The following CCDC62 variants were observed in gnomAD, a reference collection of about 807,000 sequenced individuals.
CCDC62 encodes the protein coiled-coil domain-containing protein 62.
A neutral mutation model predicts 80.8 loss-of-function variants in CCDC62; 72 were observed. The ratio of observed to expected loss-of-function variants is 0.89; its 90% confidence interval spans 0.74 to 1.08. The LOEUF (loss-of-function observed/expected upper bound fraction) is 1.08. Ranked by LOEUF, CCDC62 falls within the 50% of genes least tolerant of loss-of-function variation. The pLI, the probability that CCDC62 is intolerant of heterozygous loss-of-function variation, is 0.00. For synonymous variants in CCDC62, 286 were observed against 296.5 expected, an observed-to-expected ratio of 0.96 and a Z score of 0.36; for missense variants, 704 against 809.4, an observed-to-expected ratio of 0.87 and a Z score of 1.58.
intron 10 of CCDC62, among the ~76,000 whole-genome samples, chr12:122,811,582 G>A (rs1038928545): frequency 6.6e-6 from 1 of 150,954 alleles, no homozygotes; most frequent in Non-Finnish European, 1.5e-5. Flanking sequence ...CACTTTTGGA[G>A]GCTAAGGAAG....
rs775349370 is a variant in CCDC62, at chr12:122,801,511, A to G, written c.1365A>G (p.Leu455=). 3 of 1,614,194 alleles carry G rather than the reference A, an allele frequency of 1.9e-6. No homozygotes were observed. The highest frequency in any genetic ancestry group is 2.5e-6 in the Non-Finnish European group (3 of 1,180,040). The part of the protein sequence containing the change: ...EGKQPSETPT[L]SDEKQWHDVS... ...AACAACCCTCAGAAACACCCACTTT[A>G]TCTGATGAGAAGCAGTGGCATGATG... The change falls in exon 9 of 13, where the codon TTA becomes TTG. Residue 455 remains leucine (L), a synonymous_variant. Transcript: ENST00000253079.
intron 6 of CCDC62, among the ~76,000 whole-genome samples, chr12:122,794,575 AT>A (rs2030821644): frequency 6.6e-6 from 1 of 152,216 alleles, no homozygotes; most frequent in African/African-American, 2.4e-5. Context: ...CAATTTTTGT[AT>A]GTTTTATTCT....
At chr12:122,817,552 G>C (rs1338837492) in intron 11 of CCDC62, among the ~76,000 whole-genome samples, 1 of 150,618 alleles carries the variant, frequency 6.6e-6, no homozygotes, top group Non-Finnish European at 1.5e-5. Flanking sequence ...TCAAACTCCT[G>C]ACCTCAAGTG....
In CCDC62 at chr12:122,801,194, A is replaced by ACC; in HGVS notation, c.1048_1049insCC (p.Lys350ThrfsTer44). On this transcript the variant is annotated frameshift_variant, in exon 9 of 13. Coordinates refer to ENST00000253079, the MANE Select transcript of CCDC62 (RefSeq NM_201435.5). LOFTEE classifies it high-confidence loss of function. ...CGATATTAAGAGGGAAAAAAATCAGAAGTCACTGTTTAAGGACCAGAAATT... is the reference window on the plus strand; with the variant it reads ...CGATATTAAGAGGGAAAAAAATCAGACCAGTCACTGTTTAAGGACCAGAAATT... 1 of 1,614,098 alleles carries ACC rather than the reference A, an allele frequency of 6.2e-7. No homozygotes were observed. Among genetic ancestry groups the ACC allele is most frequent in the Admixed American group, 1.7e-5 (1 of 59,990 alleles).
Position 122,812,777 on chromosome 12 carries a change from GAGAAAGAA to G in CCDC62, c.1852-447_1852-440del, listed in dbSNP as rs71440217. On this transcript the variant is annotated intron_variant, in intron 10 of 12. Coordinates refer to ENST00000253079, the MANE Select transcript of CCDC62 (RefSeq NM_201435.5). ...GGAGGGAGAGAGAGAGAGAGAGAGA[GAGAAAGAA>G]AGAAAGAAAGAAAGAAAGAAAGAAA... Among the ~76,000 whole-genome samples the G allele has an allele frequency of 4.0e-3, 231 of 57,726 alleles. 1 individual carries two copies. The highest frequency in any genetic ancestry group is 0.018 in the Middle Eastern group (2 of 114). The allele number at this position is 57,726 out of a possible 152,430, so 37.9% of individuals were successfully genotyped here.
At chr12:122,812,769 GAGAGAGAGAGAA>G (rs1479564003) in intron 10 of CCDC62, among the ~76,000 whole-genome samples, 14 of 65,248 alleles carry the variant, frequency 2.1e-4, no homozygotes, top group African/African-American at 5.9e-4. Flanking sequence ...GAGAGAGAGA[GAGAGAGAGAGAA>G]AGAAAGAAAG....
At position 122,797,299 on chromosome 12, in the gene CCDC62, TTAAATAG is replaced by T; in HGVS notation, c.773-5_774del. On this transcript the variant is annotated splice_acceptor_variant and splice_polypyrimidine_tract_variant and intron_variant, in intron 6 of 12. Coordinates refer to ENST00000253079, the MANE Select transcript of CCDC62 (RefSeq NM_201435.5). LOFTEE classifies it high-confidence loss of function. ...TGAAAAATGTTAATAATACTTGTTCTTAAATAGTAGAGAGAGAAAAGAGGAAAGATGA... is the reference window on the plus strand; with the variant it reads ...TGAAAAATGTTAATAATACTTGTTCTTAGAGAGAGAAAAGAGGAAAGATGA... 1.4e-6 allele frequency: 2 copies of T among 1,400,104 alleles called. No individual in the cohort carries two copies. The highest frequency in any genetic ancestry group is 2.0e-6 in the Non-Finnish European group (2 of 985,972). 86.7% of individuals were successfully genotyped at this position (1,400,104 alleles called of 1,614,324 possible).
At chr12:122,795,582 C>A (rs1593799234) in intron 6 of CCDC62, among the ~76,000 whole-genome samples, 1 of 152,106 alleles carries the variant, frequency 6.6e-6, no homozygotes, top group Non-Finnish European at 1.5e-5. Flanking sequence ...CGCCACCATG[C>A]CCAGCTAATT....
Position 122,826,475 on chromosome 12 carries a change from T to G in CCDC62, c.*94T>G, listed in dbSNP as rs763656318. The G allele has an allele frequency of 1.3e-6, 1 of 777,188 alleles. No homozygotes were observed. Among genetic ancestry groups the G allele is most frequent in the Non-Finnish European group, 2.4e-6 (1 of 416,582 alleles). The allele number at this position is 777,188 out of a possible 1,614,324, so 48.1% of individuals were successfully genotyped here. On this transcript the variant is annotated 3_prime_UTR_variant, in exon 13 of 13. Coordinates refer to ENST00000253079, the MANE Select transcript of CCDC62 (RefSeq NM_201435.5). Reference sequence around the variant, plus strand: ...CAGACACCAATACTGAATGAATACTTAACCGTAAAACTGAAAGAGGATTCT... The same window carrying G: ...CAGACACCAATACTGAATGAATACTGAACCGTAAAACTGAAAGAGGATTCT...
intron 3 of CCDC62, among the ~76,000 whole-genome samples, chr12:122,783,409 G>C (rs1329890237): frequency 1.3e-5 from 2 of 151,678 alleles, no homozygotes; most frequent in Non-Finnish European, 2.9e-5. Context: ...TTGTATTTTA[G>C]TAGAGACGGG....
At chr12:122,818,809 C>A (rs1005462979) in intron 11 of CCDC62, among the ~76,000 whole-genome samples, 7 of 151,962 alleles carry the variant, frequency 4.6e-5, no homozygotes, top group African/African-American at 1.7e-4. Flanking sequence ...GTTCCAGCTA[C>A]TCAGGAGGCT....
chr12:122,811,596 G>C (rs2135577278), intron 10 of CCDC62, among the ~76,000 whole-genome samples: 1 of 150,632 alleles, frequency 6.6e-6, no homozygotes, highest in East Asian at 1.9e-4. Flanking sequence ...AAGGAAGGGG[G>C]ATCACCTAAG....
At chr12:122,809,162 T>C (rs1045322416) in intron 10 of CCDC62, among the ~76,000 whole-genome samples, 5 of 152,248 alleles carry the variant, frequency 3.3e-5, no homozygotes, top group Admixed American at 1.3e-4. Context: ...TCTCCAGATT[T>C]ACCTCCTCTC....
chr12:122,806,653 A>AT (rs1204466394), intron 10 of CCDC62, among the ~76,000 whole-genome samples: 3 of 151,060 alleles, frequency 2.0e-5, no homozygotes, highest in Non-Finnish European at 3.0e-5. Context: ...TAATTTTCTC[A>AT]TTTTTTTGTA....
At chr12:122,780,519 C>A (rs927276554) in intron 2 of CCDC62, among the ~76,000 whole-genome samples, 15 of 151,676 alleles carry the variant, frequency 9.9e-5, no homozygotes, top group African/African-American at 3.1e-4. Flanking sequence ...GAGGCTGAGG[C>A]AGGAGAATGG....
At position 122,788,851 on chromosome 12, in the gene CCDC62, G is replaced by A; in HGVS notation, c.592G>A (p.Glu198Lys). The A allele has an allele frequency of 6.2e-7, 1 of 1,611,962 alleles. No homozygotes were observed. Among genetic ancestry groups the A allele is most frequent in the Non-Finnish European group, 8.5e-7 (1 of 1,179,538 alleles). The change falls in exon 5 of 13, where the codon GAG (glutamate) becomes AAG (lysine). Residue 198 changes from glutamate to lysine, a missense_variant. By Grantham distance (56) the Glu-to-Lys change is moderately conservative (BLOSUM62 1). Transcript: ENST00000253079. ...TGCCCTACGTGATGCCAAGATGGCG[G>A]AGACTTGTATTGTGAAAGAAAAGCA... ...EHALRDAKMA[E>K]TCIVKEKQDY... is the part of the protein sequence containing the mutation.
chr12:122,788,976 A>T (rs748101735), intron 5 of CCDC62, 47 bp downstream of exon 5: 1 of 1,440,752 alleles, frequency 6.9e-7, no homozygotes, highest in Non-Finnish European at 9.3e-7. Flanking sequence ...TATCTTGGGA[A>T]TATAGTTTTT....
chr12:122,775,961 G>A (rs1879425521), intron 1 of CCDC62, among the ~76,000 whole-genome samples: 3 of 152,218 alleles, frequency 2.0e-5, no homozygotes, highest in South Asian at 2.1e-4. Context: ...AAGCAGTAAG[G>A]AGGTACAAAG....
chr12:122,806,355 A>C lies in CCDC62; in HGVS notation c.1851+60A>C, dbSNP rs1427146036. 26 of 1,411,650 alleles carry C rather than the reference A, an allele frequency of 1.8e-5. 1 individual carries two copies. Among genetic ancestry groups the C allele is most frequent in the Non-Finnish European group, 2.4e-5 (25 of 1,053,016 alleles). The allele number at this position is 1,411,650 out of a possible 1,614,324, so 87.4% of individuals were successfully genotyped here. ...AAGCCAGGCCTCTCACCAGCTTTTA[A>C]TGCTTCTCTAGCAACCACTGTTAGC... On this transcript the variant is annotated intron_variant, in intron 10 of 12. Coordinates refer to ENST00000253079, the MANE Select transcript of CCDC62 (RefSeq NM_201435.5).
Sources: allele counts gnomAD v4.1 joint callset (sites outside exome capture counted in the v4.1 genomes callset), GRCh38; gene constraint gnomAD v4.1.1; transcripts MANE v1.5; gene names NCBI Gene and HGNC (gene_info 2026-07-23, HGNC 2026-07-21).